PPP3CA: variants seen among roughly 807,000 people sequenced by gnomAD.
PPP3CA encodes the protein CAM-PRP catalytic subunit.
Under a neutral mutation model 66.5 loss-of-function variants are expected in PPP3CA, and 14 were observed. The ratio of observed to expected loss-of-function variants is 0.21; its 90% CI spans 0.14 to 0.33. The LOEUF (loss-of-function observed/expected upper bound fraction) is 0.33, where lower values mean the gene tolerates loss of function less well. PPP3CA is among the 10% of genes least tolerant of loss of function. The probability of loss-of-function intolerance (pLI) is 1.00; values close to 1 mark genes in which losing one functional copy is unlikely to be tolerated. For missense variants in PPP3CA, 317 were observed against 639.5 expected (o/e 0.50, Z 5.44); for synonymous variants, 232 against 226.2 (o/e 1.03, Z -0.23).
At chr4:101,255,749 C>T (rs1726820862) in intron 1 of PPP3CA, among the ~76,000 whole-genome samples, 1 of 151,776 alleles carries the variant, frequency 6.6e-6, no homozygotes, top group African/African-American at 2.4e-5. Flanking sequence ...TTATATCTTA[C>T]ACTTCTCTGT....
intron 2 of PPP3CA, among the ~76,000 whole-genome samples, chr4:101,111,140 C>A (rs1348775108): frequency 6.6e-6 from 1 of 152,138 alleles, no homozygotes; most frequent in Non-Finnish European, 1.5e-5. Context: ...GCACCACTTT[C>A]TCTCAAATTG....
rs1242703537 is a variant in PPP3CA, at chr4:101,105,424, C to G, written c.384+3530G>C. ...TCGTGATCTGTTTGCCTCAGACTCC[C>G]AAAGTGCTGAGATTACAGGTTGAGC... On this transcript the variant is annotated intron_variant, in intron 3 of 13. Coordinates refer to ENST00000394854, the MANE Select transcript of PPP3CA (RefSeq NM_000944.5). Among the ~76,000 whole-genome samples, 6 of 151,334 alleles carry G rather than the reference C, an allele frequency of 4.0e-5. No homozygotes were observed. In the East Asian group the frequency reaches 1.2e-3, roughly 29 times the overall value.
At chr4:101,112,687 C>T (rs143117667) in intron 2 of PPP3CA, among the ~76,000 whole-genome samples, 6 of 152,288 alleles carry the variant, frequency 3.9e-5, no homozygotes, top group African/African-American at 9.6e-5. Flanking sequence ...CTCACATACA[C>T]GTCACATGCT....
intron 6 of PPP3CA, among the ~76,000 whole-genome samples, chr4:101,092,905 T>C (rs955443582): frequency 2.6e-5 from 4 of 152,222 alleles, no homozygotes; most frequent in African/African-American, 9.6e-5. Flanking sequence ...TAAATAGTGC[T>C]GCAATAAACA....
chr4:101,086,029 G>A (rs781046797), intron 6 of PPP3CA, among the ~76,000 whole-genome samples: 7 of 152,056 alleles, frequency 4.6e-5, no homozygotes, highest in Non-Finnish European at 1.0e-4. Context: ...GGGAGGGGCG[G>A]TATAAGTTCA....
intron 1 of PPP3CA, among the ~76,000 whole-genome samples, chr4:101,291,471 C>CTAA (rs35891947): frequency 0.086 from 13,123 of 152,106 alleles, 1,700 homozygotes; most frequent in African/African-American, 0.28. Flanking sequence ...CACTCCAAGC[C>CTAA]TCAATTAGAG....
At chr4:101,128,161 A>G (rs955649672) in intron 2 of PPP3CA, among the ~76,000 whole-genome samples, 5 of 152,318 alleles carry the variant, frequency 3.3e-5, no homozygotes, top group African/African-American at 1.2e-4. Context: ...TAACATAAAA[A>G]TCCTTCTCAA....
chr4:101,035,791 A>C (rs1190921307), intron 11 of PPP3CA, among the ~76,000 whole-genome samples: 2 of 151,996 alleles, frequency 1.3e-5, no homozygotes, highest in African/African-American at 2.4e-5. Flanking sequence ...AATTCCAACT[A>C]TCTCTGCTGA....
intron 6 of PPP3CA, among the ~76,000 whole-genome samples, chr4:101,088,518 G>A (rs1174863294): frequency 2.8e-5 from 4 of 145,214 alleles, no homozygotes; most frequent in Non-Finnish European, 6.0e-5. Flanking sequence ...CCAGGAGGCA[G>A]AGCTTGCAGT....
intron 2 of PPP3CA, among the ~76,000 whole-genome samples, chr4:101,124,663 CAGAAAGAAAGAAAGAA>C (rs1227730298): frequency 0.011 from 580 of 55,202 alleles, 11 homozygotes; most frequent in Middle Eastern, 0.031. Context: ...GAGAGAGAGA[CAGAAAGAAAGAAAGAA>C]AGAAAGAAAG....
At chr4:101,106,458 A>AGAGAGAAAGAAG in intron 3 of PPP3CA, among the ~76,000 whole-genome samples, 1 of 32,676 alleles carries the variant, frequency 3.1e-5, no homozygotes, top group Non-Finnish European at 5.8e-5. Flanking sequence ...AGAAAGAGAA[A>AGAGAGAAAGAAG]AGAAAAGAAA....
chr4:101,099,480 G>T, intron 4 of PPP3CA, 131 bp downstream of exon 4: 1 of 442,290 alleles, frequency 2.3e-6, no homozygotes. Context: ...AGAAATATAG[G>T]ATAATATGAA....
At chr4:101,028,690 C>A (rs991856463) in intron 13 of PPP3CA, among the ~76,000 whole-genome samples, 5 of 152,146 alleles carry the variant, frequency 3.3e-5, no homozygotes, top group African/African-American at 1.2e-4. Context: ...TTTAGAGATA[C>A]AAATTAATGT....
At chr4:101,270,277 C>A (rs1727296693) in intron 1 of PPP3CA, among the ~76,000 whole-genome samples, 1 of 152,036 alleles carries the variant, frequency 6.6e-6, no homozygotes, top group Admixed American at 6.6e-5. Flanking sequence ...ACCTTCACAA[C>A]CAATAAAACC....
intron 2 of PPP3CA, among the ~76,000 whole-genome samples, chr4:101,185,465 G>T (rs766162208): frequency 3.9e-5 from 6 of 152,074 alleles, no homozygotes; most frequent in Non-Finnish European, 8.8e-5. Context: ...TTGAAACATG[G>T]TCATGTGGGG....
At chr4:101,136,449 G>C (rs1722623476) in intron 2 of PPP3CA, among the ~76,000 whole-genome samples, 1 of 152,056 alleles carries the variant, frequency 6.6e-6, no homozygotes, top group Non-Finnish European at 1.5e-5. Flanking sequence ...GCTGAGGCAG[G>C]AGAATGGCTT....
Position 101,093,758 on chromosome 4 carries a change from C to A in PPP3CA, c.782+18G>T. On this transcript the variant is annotated intron_variant, in intron 6 of 13. Transcript: ENST00000394854. ...TATGATGCAAACGTGTTCCAGAGAG[C>A]AAGTTCTCTATTCTTACCTGTAGAA... 1 of 1,580,074 alleles carries A rather than the reference C, an allele frequency of 6.3e-7. No homozygotes were observed. The highest frequency in any genetic ancestry group is 1.2e-5 in the South Asian group (1 of 84,810).
chr4:101,042,413 T>G (rs62305883), intron 10 of PPP3CA, among the ~76,000 whole-genome samples: 1 of 151,994 alleles, frequency 6.6e-6, no homozygotes, highest in Non-Finnish European at 1.5e-5. Context: ...AACTATGCCA[T>G]GGCAGGCACC....
At chr4:101,133,924 G>A (rs988434238) in intron 2 of PPP3CA, among the ~76,000 whole-genome samples, 4 of 152,010 alleles carry the variant, frequency 2.6e-5, no homozygotes, top group Non-Finnish European at 1.5e-5. Flanking sequence ...CAGAACACGG[G>A]CATCAGAAAT....
Sources: allele counts gnomAD v4.1 joint callset (sites outside exome capture counted in the v4.1 genomes callset), GRCh38; gene constraint gnomAD v4.1.1; transcripts MANE v1.5; gene names NCBI Gene and HGNC (gene_info 2026-07-23, HGNC 2026-07-21).